The following CFTR variants were observed in gnomAD, a reference collection of about 807,000 sequenced individuals.
CFTR encodes the protein CF transmembrane conductance regulator.
A neutral mutation model predicts 171.6 loss-of-function variants in CFTR; 181 were observed. That is an observed-to-expected ratio of 1.05 (90% confidence interval 0.93 to 1.19). The LOEUF (loss-of-function observed/expected upper bound fraction) is 1.19. CFTR is among the 50% of genes most tolerant of loss of function. The pLI is 0.00. For synonymous variants in CFTR, 583 were observed against 608.0 expected, an observed-to-expected ratio of 0.96 and a Z score of 0.60; for missense variants, 1,968 against 1,734.7, an observed-to-expected ratio of 1.13 and a Z score of -2.39.
chr7:117,526,494 G>C (rs1423448061), intron 3 of CFTR, among the ~76,000 whole-genome samples: 1 of 18,580 alleles, frequency 5.4e-5, no homozygotes, highest in Admixed American at 5.4e-4. Flanking sequence ...CTAGCAGAAG[G>C]CAAGAAATAA....
intron 18 of CFTR, 21 bp from the exon 19 acceptor site, chr7:117,610,498 A>G (rs1792365309): frequency 3.1e-6 from 5 of 1,609,604 alleles, no homozygotes; most frequent in East Asian, 2.2e-5. Flanking sequence ...ACTCACCAAC[A>G]TGTTTTCTTT....
At chr7:117,491,250 C>T (rs1434989030) in intron 1 of CFTR, among the ~76,000 whole-genome samples, 1 of 151,984 alleles carries the variant, frequency 6.6e-6, no homozygotes, top group Non-Finnish European at 1.5e-5. Flanking sequence ...CATGGGACCA[C>T]CATTGTATAT....
At position 117,530,812 on chromosome 7, in the gene CFTR, A is replaced by G. The variant is rs1051924531; in HGVS notation, c.274-87A>G. 3.4e-6 allele frequency: 3 copies of G among 893,124 alleles called. No homozygotes were observed. In the South Asian group the frequency reaches 4.2e-5, roughly 13 times the overall value. 55.3% of individuals were successfully genotyped at this position (893,124 alleles called of 1,614,324 possible). ...TATAAACTCATTTTAAGTCTCCTCT[A>G]AAGATGAAAAGTCTTGTGTTGAAAT... On this transcript the variant is annotated intron_variant, in intron 3 of 26. Coordinates refer to ENST00000003084, the MANE Select transcript of CFTR (RefSeq NM_000492.4).
intron 10 of CFTR, among the ~76,000 whole-genome samples, chr7:117,556,246 G>T (rs1021779805): frequency 6.6e-6 from 1 of 151,774 alleles, no homozygotes; most frequent in Admixed American, 6.6e-5. Context: ...TGTATTTTTA[G>T]TAGAGACGGG....
At position 117,611,770 on chromosome 7, in the gene CFTR, T is replaced by G. The variant is rs1792393211; in HGVS notation, c.3329T>G (p.Phe1110Cys). 1.2e-6 allele frequency: 2 copies of G among 1,613,320 alleles called. No individual in the cohort carries two copies. Among genetic ancestry groups the G allele is most frequent in the East Asian group, 4.5e-5 (2 of 44,846 alleles). The change falls in exon 20 of 27, where the codon TTC becomes TGC. Residue 1110 changes from phenylalanine to cysteine, a missense_variant. Coordinates refer to ENST00000003084, the MANE Select transcript of CFTR (RefSeq NM_000492.4). ...QMRIEMIFVI[F>C]FIAVTFISIL... ...AGAATAGAAATGATTTTTGTCATCT[T>G]CTTCATTGCTGTTACCTTCATTTCC...
intron 11 of CFTR, among the ~76,000 whole-genome samples, chr7:117,583,087 T>C (rs1791872617): frequency 6.6e-6 from 1 of 152,216 alleles, no homozygotes; most frequent in African/African-American, 2.4e-5. Context: ...AAACAGCCTC[T>C]TAATTATTGT....
At chr7:117,525,453 C>T (rs1321997398) in intron 3 of CFTR, among the ~76,000 whole-genome samples, 1 of 110,472 alleles carries the variant, frequency 9.1e-6, no homozygotes, top group Non-Finnish European at 1.8e-5. Context: ...CTTTCTGTCT[C>T]GTTGATCTGT....
intron 1 of CFTR, among the ~76,000 whole-genome samples, chr7:117,491,422 A>G (rs1798157998): frequency 6.6e-6 from 1 of 152,216 alleles, no homozygotes; most frequent in East Asian, 1.9e-4. Context: ...CCATAACAAA[A>G]TACCACAAAT....
At chr7:117,616,398 C>A (rs1366009936) in intron 21 of CFTR, 8 of 152,038 alleles carry the variant, frequency 5.3e-5, no homozygotes, top group Admixed American at 6.6e-5. Context: ...CTATTTAATT[C>A]TTTGCCCAAC....
rs1192141272 is a variant in CFTR, at chr7:117,659,241, C to T, written c.3964-5447C>T. Among the ~76,000 whole-genome samples, 3 of 152,258 alleles carry T rather than the reference C, an allele frequency of 2.0e-5. No individual in the cohort carries two copies. The East Asian group carries it at 5.8e-4, about 29-fold the overall frequency. On this transcript the variant is annotated intron_variant, in intron 24 of 26. Coordinates refer to ENST00000003084, the MANE Select transcript of CFTR (RefSeq NM_000492.4). Reference sequence around the variant, plus strand: ...AAAAATCTGCCTTGACACTCCAGGTCTCGGTTTCCTAGGTGTACCCTATAA... The same window carrying T: ...AAAAATCTGCCTTGACACTCCAGGTTTCGGTTTCCTAGGTGTACCCTATAA...
chr7:117,515,750 C>T (rs1009370311), intron 3 of CFTR, among the ~76,000 whole-genome samples: 3 of 152,124 alleles, frequency 2.0e-5, no homozygotes, highest in African/African-American at 7.2e-5. Context: ...GGCAGTATAG[C>T]CATGTTCACA....
At chr7:117,658,006 T>C (rs1793210136) in intron 24 of CFTR, among the ~76,000 whole-genome samples, 1 of 152,198 alleles carries the variant, frequency 6.6e-6, no homozygotes, top group Non-Finnish European at 1.5e-5. Context: ...GCCTCCTTTT[T>C]CCTTATTTCC....
intron 1 of CFTR, among the ~76,000 whole-genome samples, chr7:117,495,180 T>C (rs781285511): frequency 1.1e-4 from 17 of 152,190 alleles, no homozygotes; most frequent in Admixed American, 5.9e-4. Flanking sequence ...TTATACAGGA[T>C]GCAGCAATTT....
At chr7:117,634,580 G>T (rs897221384) in intron 22 of CFTR, among the ~76,000 whole-genome samples, 1 of 151,962 alleles carries the variant, frequency 6.6e-6, no homozygotes, top group African/African-American at 2.4e-5. Context: ...GCATTCTTAT[G>T]CATTCAATGA....
chr7:117,587,374 G>T (rs998487300), intron 11 of CFTR, among the ~76,000 whole-genome samples: 1 of 152,018 alleles, frequency 6.6e-6, no homozygotes, highest in African/African-American at 2.4e-5. Flanking sequence ...TTAAATTGGA[G>T]AAAAGTACAT....
intron 21 of CFTR, among the ~76,000 whole-genome samples, chr7:117,621,220 G>C (rs1792574513): frequency 6.6e-6 from 1 of 152,174 alleles, no homozygotes; most frequent in Non-Finnish European, 1.5e-5. Context: ...AATTTTAAAA[G>C]TGCTCCAGGT....
chr7:117,503,798 G>A (rs547801455), intron 1 of CFTR, among the ~76,000 whole-genome samples: 12 of 152,270 alleles, frequency 7.9e-5, no homozygotes, highest in African/African-American at 2.9e-4. Context: ...GAGTATGCAT[G>A]CTACAGTAAC....
chr7:117,555,369 T>C (rs1298398911), intron 10 of CFTR, among the ~76,000 whole-genome samples: 1 of 152,160 alleles, frequency 6.6e-6, no homozygotes, highest in Non-Finnish European at 1.5e-5. Flanking sequence ...GTAGTACATA[T>C]GGTACTACTG....
chr7:117,549,509 G>A (rs1038856050), intron 10 of CFTR, among the ~76,000 whole-genome samples: 8 of 152,224 alleles, frequency 5.3e-5, no homozygotes, highest in Admixed American at 5.2e-4. Flanking sequence ...AACCCATTGT[G>A]TAGATAATGG....
Sources: allele counts gnomAD v4.1 joint callset (sites outside exome capture counted in the v4.1 genomes callset), GRCh38; gene constraint gnomAD v4.1.1; transcripts MANE v1.5; gene names NCBI Gene and HGNC (gene_info 2026-07-23, HGNC 2026-07-21).